ZHX3: variants seen among roughly 807,000 people sequenced by gnomAD.
ZHX3 encodes zinc fingers and homeoboxes 3.
Under a neutral mutation model 64.5 loss-of-function variants are expected in ZHX3, and 20 were observed. The ratio of observed to expected loss-of-function variants is 0.31; its 90% CI spans 0.22 to 0.45. The LOEUF (loss-of-function observed/expected upper bound fraction) is 0.45. Ranked by LOEUF, ZHX3 falls within the 20% of genes least tolerant of loss-of-function variation. The probability of loss-of-function intolerance (pLI) is 1.00; values close to 1 mark genes in which losing one functional copy is unlikely to be tolerated. For missense variants in ZHX3, 1,041 were observed against 1,195.8 expected (o/e 0.87, Z 1.91); for synonymous variants, 423 against 461.6 (o/e 0.92, Z 1.07).
At chr20:41,311,706 A>G (rs2146841532) in intron 1 of ZHX3, among the ~76,000 whole-genome samples, 2 of 152,386 alleles carry the variant, frequency 1.3e-5, no homozygotes, top group Middle Eastern at 6.8e-3. Flanking sequence ...TGTAACTTTA[A>G]ACATTACTTA....
At chr20:41,225,382 A>G (rs1191846987) in intron 2 of ZHX3, among the ~76,000 whole-genome samples, 1 of 152,232 alleles carries the variant, frequency 6.6e-6, no homozygotes, top group Non-Finnish European at 1.5e-5. Flanking sequence ...GATGACAATT[A>G]ACTGTAACAG....
intron 2 of ZHX3, chr20:41,238,918 T>C (rs1298606071): frequency 6.6e-6 from 1 of 150,888 alleles, no homozygotes; most frequent in Non-Finnish European, 1.5e-5. Context: ...CACATGCAAA[T>C]GGAAAGTTCA....
At chr20:41,285,070 C>A (rs1376330649) in intron 1 of ZHX3, among the ~76,000 whole-genome samples, 1 of 152,154 alleles carries the variant, frequency 6.6e-6, no homozygotes, top group East Asian at 1.9e-4. Context: ...ACCCTTGCAT[C>A]TCCCCACTGC....
intron 1 of ZHX3, among the ~76,000 whole-genome samples, chr20:41,291,677 T>C (rs2044250002): frequency 6.6e-6 from 1 of 152,030 alleles, no homozygotes; most frequent in South Asian, 2.1e-4. Flanking sequence ...TGCATATGTA[T>C]ACACACACAG....
Position 41,200,701 on chromosome 20 carries a change from G to A in ZHX3, c.2860+1356C>T, listed in dbSNP as rs2038147940. 6.6e-6 allele frequency among the ~76,000 whole-genome samples: 1 copy of A among 152,140 alleles called. No individual in the cohort carries two copies. Among genetic ancestry groups the A allele is most frequent in the Admixed American group, 6.5e-5 (1 of 15,272 alleles). ...TGTTTGCTCTCACTGTGGGCTTTGT[G>A]GAACTGGATTTTGCCTTAGTATGTT... is the stretch of plus-strand genomic sequence containing the variant. On this transcript the variant is annotated intron_variant, in intron 3 of 3. Coordinates refer to ENST00000683867, the MANE Select transcript of ZHX3 (RefSeq NM_001384317.1). This position sits in a 1 kb window ranked among gnomAD's most constrained non-coding sequence, Gnocchi z 4.2.
In ZHX3 at chr20:41,200,167, G is replaced by C. The variant is rs1333876087; in HGVS notation, c.2860+1890C>G. The stretch of plus-strand genomic sequence containing the variant: ...TCCATCAAGCTCTTCCCTGGATGTT[G>C]CAAGTGTTCAACTAGACTTCTGAGT... On this transcript the variant is annotated intron_variant, in intron 3 of 3. Coordinates refer to ENST00000683867, the MANE Select transcript of ZHX3 (RefSeq NM_001384317.1). The surrounding 1 kb of genome is among the most constrained non-coding windows in gnomAD (Gnocchi z 4.2). Among the ~76,000 whole-genome samples, 2 of 152,190 alleles carry C rather than the reference G, an allele frequency of 1.3e-5. No individual in the cohort carries two copies. The highest frequency in any genetic ancestry group is 2.9e-5 in the Non-Finnish European group (2 of 68,026).
intron 1 of ZHX3, among the ~76,000 whole-genome samples, chr20:41,287,329 T>A (rs2043987042): frequency 6.6e-6 from 1 of 152,204 alleles, no homozygotes; most frequent in Non-Finnish European, 1.5e-5. Context: ...ATTTTTTCTT[T>A]ACAGCATGTA....
rs568284480 is a variant in ZHX3 at position 41,282,361 on chromosome 20, C to CTT, written c.-244-13280_-244-13279dup. ...TAGAGGTCCATTAGACACAATTCAT[C>CTT]TTTTTTTTTTTTTTTTTTTGCGAAG... is the stretch of plus-strand genomic sequence containing the variant. On this transcript the variant is annotated intron_variant, in intron 1 of 3. Transcript: ENST00000683867. 1.0e-3 allele frequency among the ~76,000 whole-genome samples: 101 copies of CTT among 97,180 alleles called. 2 individuals are homozygous for CTT. The highest frequency in any genetic ancestry group is 3.1e-3 in the African/African-American group (82 of 26,284). The allele number at this position is 97,180 out of a possible 152,430, so 63.8% of individuals were successfully genotyped here.
chr20:41,251,153 A>T (rs2041973682), intron 2 of ZHX3, among the ~76,000 whole-genome samples: 1 of 104,890 alleles, frequency 9.5e-6, no homozygotes, highest in African/African-American at 5.1e-5. Context: ...AGGCAGAAAT[A>T]TGGGGAGATA....
chr20:41,274,695 GT>G (rs1184356814), intron 1 of ZHX3, among the ~76,000 whole-genome samples: 2 of 152,192 alleles, frequency 1.3e-5, no homozygotes, highest in Admixed American at 6.5e-5. Context: ...ATAAATACTG[GT>G]TCATTTGAAA....
At position 41,219,122 on chromosome 20, in the gene ZHX3, G is replaced by T. The variant is rs550330167; in HGVS notation, c.-150-14056C>A. On this transcript the variant is annotated intron_variant, in intron 2 of 3. Coordinates refer to ENST00000683867, the MANE Select transcript of ZHX3 (RefSeq NM_001384317.1). The surrounding 1 kb of genome is among the most constrained non-coding windows in gnomAD (Gnocchi z 5.0). ...TTTTTTGTATTTTTATTAGAGACGGGTTTTCACCGTGTTAGCGAGCATGGT... is the reference window on the plus strand; with the variant it reads ...TTTTTTGTATTTTTATTAGAGACGGTTTTTCACCGTGTTAGCGAGCATGGT... 6.6e-6 allele frequency among the ~76,000 whole-genome samples: 1 copy of T among 151,878 alleles called. No homozygotes were observed. The highest frequency in any genetic ancestry group is 2.4e-5 in the African/African-American group (1 of 41,416).
chr20:41,188,819 CTGAT>C (rs1279718474), intron 3 of ZHX3, among the ~76,000 whole-genome samples: 3 of 152,124 alleles, frequency 2.0e-5, no homozygotes, highest in African/African-American at 7.2e-5. Context: ...TGTCTCTGTG[CTGAT>C]TATTTCCTTT....
At chr20:41,248,881 G>A (rs908847043) in intron 2 of ZHX3, among the ~76,000 whole-genome samples, 1 of 152,116 alleles carries the variant, frequency 6.6e-6, no homozygotes, top group Non-Finnish European at 1.5e-5. Flanking sequence ...CAGTGTTTTT[G>A]CAAAAGACCC....
At chr20:41,250,830 G>A (rs1286740547) in intron 2 of ZHX3, among the ~76,000 whole-genome samples, 10 of 152,062 alleles carry the variant, frequency 6.6e-5, no homozygotes, top group African/African-American at 1.4e-4. Flanking sequence ...AATATCAAGC[G>A]ACAACAGGTT....
chr20:41,214,312 G>T (rs993911483), intron 2 of ZHX3, among the ~76,000 whole-genome samples: 1 of 152,016 alleles, frequency 6.6e-6, no homozygotes, highest in African/African-American at 2.4e-5. Context: ...CCAAGAAAAG[G>T]CACTATAATT....
At chr20:41,254,507 G>C (rs776075196) in intron 2 of ZHX3, 1 of 152,166 alleles carries the variant, frequency 6.6e-6, no homozygotes, top group Non-Finnish European at 1.5e-5. Context: ...CATCACAGCA[G>C]ATTATTCCAG....
chr20:41,285,903 C>G (rs1388460925), intron 1 of ZHX3, among the ~76,000 whole-genome samples: 1 of 152,172 alleles, frequency 6.6e-6, no homozygotes, highest in East Asian at 1.9e-4. Context: ...AAAGGTTTAG[C>G]ATAGTATGCC....
intron 2 of ZHX3, among the ~76,000 whole-genome samples, chr20:41,222,285 C>G (rs931031348): frequency 6.6e-6 from 1 of 152,184 alleles, no homozygotes; most frequent in Admixed American, 6.5e-5. Context: ...TCAAGGATGA[C>G]TCCAAGATTT....
At chr20:41,196,485 TAA>T (rs2037642848) in intron 3 of ZHX3, among the ~76,000 whole-genome samples, 1 of 80,078 alleles carries the variant, frequency 1.2e-5, no homozygotes, top group Admixed American at 2.2e-4. Context: ...TTATATATTA[TAA>T]ATATATATTA....
Sources: gnomAD v4.1 joint callset for allele counts (sites outside exome capture counted in the v4.1 genomes callset) on GRCh38, gnomAD v4.1.1 for gene constraint, Gnocchi (gnomAD v3.1) non-coding constraint, MANE v1.5 for transcripts, NCBI Gene and HGNC (gene_info 2026-07-23, HGNC 2026-07-21) for gene names.